Variants in TMEM238L observed in about 807,000 individuals in gnomAD.
TMEM238L encodes the protein transmembrane protein 238-like.
chr17:10,800,039 C>T (rs1273590486), intron 1 of TMEM238L, among the ~76,000 whole-genome samples: 1 of 151,972 alleles, frequency 6.6e-6, no homozygotes, highest in Non-Finnish European at 1.5e-5. Flanking sequence ...CCACGCCATT[C>T]TCCTGCCTCA....
intron 1 of TMEM238L, among the ~76,000 whole-genome samples, chr17:10,796,629 C>T (rs1904554491): frequency 6.6e-6 from 1 of 152,236 alleles, no homozygotes; most frequent in Admixed American, 6.5e-5. Context: ...TGCCTAACTG[C>T]CTTTCCTTAG....
rs529959288 is a variant in TMEM238L, at chr17:10,798,749, G to T, written c.*119-2801C>A. On this transcript the variant is annotated intron_variant, in intron 1 of 1. Coordinates refer to ENST00000581851, the Ensembl canonical transcript of TMEM238L. ...GGCGTGTTTGTGTGTGCATGAACACGTGGAGTAGAAGAGGGATGTGTGTGT... is the reference window on the plus strand; with the variant it reads ...GGCGTGTTTGTGTGTGCATGAACACTTGGAGTAGAAGAGGGATGTGTGTGT... Among the ~76,000 whole-genome samples the T allele has an allele frequency of 7.9e-5, 12 of 151,984 alleles. No individual in the cohort carries two copies. In the South Asian group the frequency reaches 2.3e-3, roughly 29 times the overall value.
At chr17:10,801,444 C>G (rs1002243679) in intron 1 of TMEM238L, among the ~76,000 whole-genome samples, 1 of 152,148 alleles carries the variant, frequency 6.6e-6, no homozygotes, top group African/African-American at 2.4e-5. Flanking sequence ...TAACCCTCAC[C>G]GACATTTGCT....
intron 1 of TMEM238L, among the ~76,000 whole-genome samples, chr17:10,799,961 T>TC (rs1904682553): frequency 6.6e-6 from 1 of 151,534 alleles, no homozygotes; most frequent in African/African-American, 2.4e-5. Flanking sequence ...AGACGGAGTC[T>TC]GGCTCTGTCG....
chr17:10,796,903 G>C (rs1415747455), intron 1 of TMEM238L, among the ~76,000 whole-genome samples: 7 of 152,178 alleles, frequency 4.6e-5, no homozygotes, highest in Non-Finnish European at 7.4e-5. Flanking sequence ...GGGCCAGGTA[G>C]TAAATGTCAT....
At chr17:10,800,092 C>T (rs563931493) in intron 1 of TMEM238L, among the ~76,000 whole-genome samples, 5 of 152,210 alleles carry the variant, frequency 3.3e-5, no homozygotes, top group African/African-American at 9.6e-5. Context: ...CCACCATGCC[C>T]GGCTAATTTT....
chr17:10,800,761 T>A (rs181296865), intron 1 of TMEM238L, among the ~76,000 whole-genome samples: 111 of 152,316 alleles, frequency 7.3e-4, no homozygotes, highest in Non-Finnish European at 2.5e-4. Context: ...GTCACGTTGC[T>A]AGAAAGGAAT....
chr17:10,800,588 C>T (rs114497859), intron 1 of TMEM238L, among the ~76,000 whole-genome samples: 1,747 of 152,276 alleles, frequency 0.011, 20 homozygotes, highest in Non-Finnish European at 0.017. Flanking sequence ...CTACCTGCAT[C>T]GTGACTGACG....
At chr17:10,802,266 T>C (rs1904768467) in intron 1 of TMEM238L, 1 of 152,246 alleles carries the variant, frequency 6.6e-6, no homozygotes, top group Non-Finnish European at 1.5e-5. Flanking sequence ...GTCAGTTAAC[T>C]CATCCCAGAT....
chr17:10,801,405 A>G (rs1904742461), intron 1 of TMEM238L, among the ~76,000 whole-genome samples: 1 of 152,148 alleles, frequency 6.6e-6, no homozygotes, highest in Non-Finnish European at 1.5e-5. Flanking sequence ...AGGCCCTGCC[A>G]GATCTGGCCT....
At chr17:10,800,354 ATC>A (rs1904700459) in intron 1 of TMEM238L, among the ~76,000 whole-genome samples, 1 of 152,182 alleles carries the variant, frequency 6.6e-6, no homozygotes, top group South Asian at 2.1e-4. Context: ...GCACACACGA[ATC>A]TGTCACTCTG....
intron 1 of TMEM238L, among the ~76,000 whole-genome samples, chr17:10,796,701 ATTGTCCTTCT>A (rs1317055859): frequency 2.0e-5 from 3 of 152,068 alleles, no homozygotes; most frequent in Non-Finnish European, 4.4e-5. Flanking sequence ...ACTCTTGATA[ATTGTCCTTCT>A]TTGTCCTCTT....
intron 1 of TMEM238L, among the ~76,000 whole-genome samples, chr17:10,803,336 G>A (rs781147288): frequency 7.2e-5 from 11 of 152,188 alleles, no homozygotes; most frequent in Non-Finnish European, 1.5e-4. Flanking sequence ...GTGCCCAGAA[G>A]CCAGGATCAT....
chr17:10,799,321 C>T (rs1439117401), intron 1 of TMEM238L, among the ~76,000 whole-genome samples: 2 of 152,228 alleles, frequency 1.3e-5, no homozygotes, highest in Non-Finnish European at 2.9e-5. Flanking sequence ...CCTCAGCCTC[C>T]CAAGTAGCTG....
chr17:10,797,640 T>G (rs1441211843), intron 1 of TMEM238L, among the ~76,000 whole-genome samples: 1 of 152,126 alleles, frequency 6.6e-6, no homozygotes, highest in African/African-American at 2.4e-5. Flanking sequence ...AACTCATGCC[T>G]TTTTCTGACC....
At position 10,802,030 on chromosome 17, in the gene TMEM238L, G is replaced by A. The variant is rs530522657; in HGVS notation, c.*118+1576C>T. On this transcript the variant is annotated intron_variant, in intron 1 of 1. Coordinates refer to ENST00000581851, the Ensembl canonical transcript of TMEM238L. ...ACTCCTGACCTCAAGTGATCTGCCC[G>A]CCTCGGCCTCCCAAAGTGCTGGGAT... is the stretch of plus-strand genomic sequence containing the variant. Among the ~76,000 whole-genome samples the A allele has an allele frequency of 5.3e-5, 8 of 152,118 alleles. No individual in the cohort carries two copies. The South Asian group carries it at 8.3e-4, about 16-fold the overall frequency.
exon 1 of TMEM238L, chr17:10,803,854 A>T: frequency 2.5e-6 from 1 of 399,916 alleles, no homozygotes; most frequent in Non-Finnish European, 4.4e-6. Flanking sequence ...GGGGGCCAAG[A>T]TCCCCAGCAG....
intron 1 of TMEM238L, among the ~76,000 whole-genome samples, chr17:10,800,900 G>C (rs773236142): frequency 3.3e-5 from 5 of 152,144 alleles, no homozygotes; most frequent in African/African-American, 1.2e-4. Context: ...TGTTGTTTGG[G>C]TACTTGTCTT....
chr17:10,801,207 C>T (rs562659123), intron 1 of TMEM238L, among the ~76,000 whole-genome samples: 73 of 152,212 alleles, frequency 4.8e-4, no homozygotes, highest in Non-Finnish European at 8.4e-4. Context: ...CCTGCCACTG[C>T]GCCCGGCTAA....
Sources: gnomAD v4.1 joint callset for allele counts (sites outside exome capture counted in the v4.1 genomes callset) on GRCh38, gnomAD v4.1.1 for gene constraint, MANE v1.5 for transcripts, NCBI Gene and HGNC (gene_info 2026-07-23, HGNC 2026-07-21) for gene names.